ANKMY2: variants seen among roughly 807,000 people sequenced by gnomAD.
The protein encoded by ANKMY2 is ankyrin repeat and MYND domain-containing protein 2.
ANKMY2 carries 36 observed loss-of-function variants against 50.4 expected under a neutral mutation model. The ratio of observed to expected loss-of-function variants is 0.71; its 90% confidence interval spans 0.55 to 0.94. The LOEUF (loss-of-function observed/expected upper bound fraction) is 0.94. Ranked by LOEUF, ANKMY2 falls within the 40% of genes least tolerant of loss-of-function variation. The probability of loss-of-function intolerance (pLI) is 0.00; values close to 1 mark genes in which losing one functional copy is unlikely to be tolerated. For synonymous variants in ANKMY2, 187 were observed against 178.8 expected, an observed-to-expected ratio of 1.05 and a Z score of -0.36; for missense variants, 565 against 524.0, an observed-to-expected ratio of 1.08 and a Z score of -0.76.
At chr7:16,608,198 T>C (rs1781190900) in intron 7 of ANKMY2, among the ~76,000 whole-genome samples, 1 of 152,224 alleles carries the variant, frequency 6.6e-6, no homozygotes, top group Admixed American at 6.5e-5. Context: ...TGTGAATACA[T>C]AAACCCTCAT....
Position 16,600,165 on chromosome 7 carries a change from T to C in ANKMY2, c.*596A>G, listed in dbSNP as rs534192927. The C allele has an allele frequency of 1.3e-5, 2 of 152,320 alleles. No homozygotes were observed. The highest frequency in any genetic ancestry group is 4.8e-5 in the African/African-American group (2 of 41,582). The allele number at this position is 152,320 out of a possible 1,614,324, so 9.4% of individuals were successfully genotyped here. On this transcript the variant is annotated 3_prime_UTR_variant, in exon 10 of 10. Transcript: ENST00000306999. The stretch of plus-strand genomic sequence containing the variant: ...GGAGGTACAAATACTGCAGATAGAA[T>C]ATCACCGCAGGACTACGTCAAGTTC...
At chr7:16,639,702 A>G (rs1346966813) in intron 1 of ANKMY2, among the ~76,000 whole-genome samples, 1 of 152,166 alleles carries the variant, frequency 6.6e-6, no homozygotes, top group African/African-American at 2.4e-5. Context: ...GGATTGCTTG[A>G]GCCCAGGAAG....
chr7:16,600,935 A>C lies in ANKMY2; in HGVS notation c.1152T>G (p.Leu384=), dbSNP rs1029511201. ...CATTAACACAGTTAGAATTGACATC[A>C]AGTTTGCCGTCTGATTAAAAAAAGA... ...EKRQEENHGK[L]DVNSNCVNEE... The change falls in exon 10 of 10, where the codon CTT becomes CTG. Residue 384 remains leucine (L), a synonymous_variant. Coordinates refer to ENST00000306999, the MANE Select transcript of ANKMY2 (RefSeq NM_020319.3). 6.3e-7 allele frequency: 1 copy of C among 1,586,094 alleles called. No homozygotes were observed. The highest frequency in any genetic ancestry group is 1.4e-5 in the African/African-American group (1 of 73,746).
intron 4 of ANKMY2, among the ~76,000 whole-genome samples, chr7:16,617,965 T>C (rs1047680266): frequency 6.7e-6 from 1 of 149,910 alleles, no homozygotes; most frequent in Non-Finnish European, 1.5e-5. Flanking sequence ...TCTGGCTCTG[T>C]TGCCCAGGCT....
intron 3 of ANKMY2, among the ~76,000 whole-genome samples, chr7:16,626,439 T>C (rs566192930): frequency 4.7e-4 from 72 of 152,324 alleles, no homozygotes; most frequent in South Asian, 1.0e-3. Flanking sequence ...GTTTATATAA[T>C]GCTTAGAAGT....
At position 16,602,384 on chromosome 7, in the gene ANKMY2, TTCC is replaced by T. The variant is rs764120294; in HGVS notation, c.1134_1136del (p.Glu379del). 17 of 1,612,386 alleles carry T rather than the reference TTCC, an allele frequency of 1.1e-5. No individual in the cohort carries two copies. In the African/African-American group the frequency reaches 2.1e-4, roughly 20 times the overall value. On this transcript the variant is annotated inframe_deletion, in exon 9 of 10. Coordinates refer to ENST00000306999, the MANE Select transcript of ANKMY2 (RefSeq NM_020319.3). ...ACTCGGTTTTTATATACATACGGTT[TTCC>T]TCTTGTCTCTTTTCTTTGGCAGCCT...
At chr7:16,605,317 T>C (rs1781136141) in intron 7 of ANKMY2, among the ~76,000 whole-genome samples, 1 of 152,190 alleles carries the variant, frequency 6.6e-6, no homozygotes, top group Non-Finnish European at 1.5e-5. Context: ...ATATTTAAAC[T>C]CATTTACTTG....
intron 6 of ANKMY2, 53 bp from the exon 7 acceptor site, chr7:16,609,818 C>T: frequency 6.4e-7 from 1 of 1,573,704 alleles, no homozygotes; most frequent in Non-Finnish European, 8.6e-7. Flanking sequence ...AGCATTCTCT[C>T]CTAGTTGAAC....
At chr7:16,622,511 G>T (rs1781449549) in intron 4 of ANKMY2, among the ~76,000 whole-genome samples, 1 of 151,950 alleles carries the variant, frequency 6.6e-6, no homozygotes, top group Non-Finnish European at 1.5e-5. Context: ...GGCCGAGGCG[G>T]GCAGATCACA....
chr7:16,616,488 T>C (rs1781350992), intron 4 of ANKMY2, among the ~76,000 whole-genome samples: 1 of 152,110 alleles, frequency 6.6e-6, no homozygotes, highest in South Asian at 2.1e-4. Context: ...GCCACTTCTC[T>C]AAGCCATCTC....
intron 7 of ANKMY2, among the ~76,000 whole-genome samples, chr7:16,609,406 G>A (rs773834523): frequency 2.0e-5 from 3 of 152,238 alleles, no homozygotes; most frequent in Admixed American, 6.5e-5. Flanking sequence ...ACATAGCGAC[G>A]TCCTGTTTAT....
chr7:16,607,051 G>T (rs1274824526), intron 7 of ANKMY2, among the ~76,000 whole-genome samples: 1 of 152,112 alleles, frequency 6.6e-6, no homozygotes, highest in Non-Finnish European at 1.5e-5. Context: ...CACTTCAGAG[G>T]GTTAGAACTT....
At position 16,610,503 on chromosome 7, in the gene ANKMY2, A is replaced by G. The variant is rs1050845475; in HGVS notation, c.746+46T>C. Reference sequence around the variant, plus strand: ...ATAATGAGGCTTCATATTAAAAAAAATATTCACTTGAGTGTATTTTATAAA... The same window carrying G: ...ATAATGAGGCTTCATATTAAAAAAAGTATTCACTTGAGTGTATTTTATAAA... On this transcript the variant is annotated intron_variant, in intron 6 of 9. Transcript: ENST00000306999. 4 of 1,471,212 alleles carry G rather than the reference A, an allele frequency of 2.7e-6. No individual in the cohort carries two copies. The South Asian group carries it at 5.1e-5, about 19-fold the overall frequency. 91.1% of individuals were successfully genotyped at this position (1,471,212 alleles called of 1,614,324 possible).
At chr7:16,608,862 G>A (rs996804246) in intron 7 of ANKMY2, among the ~76,000 whole-genome samples, 1 of 152,042 alleles carries the variant, frequency 6.6e-6, no homozygotes, top group African/African-American at 2.4e-5. Context: ...TTAGCTGGGC[G>A]TGGTGGCGCG....
In ANKMY2 at chr7:16,645,670, T is replaced by TGAGACC; in HGVS notation, c.-103_-98dup. On this transcript the variant is annotated 5_prime_UTR_variant, in exon 1 of 10. Coordinates refer to ENST00000306999, the MANE Select transcript of ANKMY2 (RefSeq NM_020319.3). ...GAACGCCAGCCGCAATGAGGCAACT[T>TGAGACC]GAGACCAAGACACTGAGTAGCCAAC... 7.3e-7 allele frequency: 1 copy of TGAGACC among 1,364,006 alleles called. No individual in the cohort carries two copies. Among genetic ancestry groups the TGAGACC allele is most frequent in the Non-Finnish European group, 1.0e-6 (1 of 996,664 alleles). 84.5% of individuals were successfully genotyped at this position (1,364,006 alleles called of 1,614,324 possible). A position where few individuals can be genotyped will look rare whatever the true frequency, so the allele number is the denominator to read the frequency against.
intron 4 of ANKMY2, among the ~76,000 whole-genome samples, chr7:16,622,777 TAAATAAATAAA>T (rs1562773939): frequency 3.9e-5 from 4 of 101,386 alleles, no homozygotes; most frequent in African/African-American, 1.3e-4. Flanking sequence ...AATAAATAAA[TAAATAAATAAA>T]AATAAAAACT....
intron 2 of ANKMY2, among the ~76,000 whole-genome samples, chr7:16,627,710 CATT>C (rs1045391427): frequency 3.3e-5 from 5 of 151,996 alleles, no homozygotes; most frequent in African/African-American, 4.8e-5. Flanking sequence ...ACAGTGGTAT[CATT>C]TTTTAAAACC....
At chr7:16,604,370 G>A (rs980122754) in intron 8 of ANKMY2, among the ~76,000 whole-genome samples, 1 of 152,214 alleles carries the variant, frequency 6.6e-6, no homozygotes. Context: ...GTATATTTAT[G>A]AACTGTCCTA....
intron 5 of ANKMY2, among the ~76,000 whole-genome samples, chr7:16,615,112 T>G (rs1327210111): frequency 1.3e-5 from 2 of 152,242 alleles, no homozygotes; most frequent in South Asian, 2.1e-4. Flanking sequence ...TTTGAAAATC[T>G]GATTTGATGA....
Sources: gnomAD v4.1 joint callset for allele counts (sites outside exome capture counted in the v4.1 genomes callset) on GRCh38, gnomAD v4.1.1 for gene constraint, MANE v1.5 for transcripts, NCBI Gene and HGNC (gene_info 2026-07-23, HGNC 2026-07-21) for gene names.